CNOT9: variants seen among roughly 807,000 people sequenced by gnomAD.
The protein encoded by CNOT9 is RCD1 required for cell differentiation1 homolog.
CNOT9 carries 8 observed loss-of-function variants against 37.4 expected under a neutral mutation model. The ratio of observed to expected loss-of-function variants is 0.21; its 90% CI spans 0.13 to 0.39. The LOEUF is 0.39. CNOT9 is among the 10% of genes least tolerant of loss of function. The pLI is 1.00. For synonymous variants in CNOT9, 120 were observed against 137.6 expected (o/e 0.87, Z 0.90); for missense variants, 154 against 365.3 (o/e 0.42, Z 4.71).
chr2:218,576,290 T>G (rs1694165751), intron 1 of CNOT9, among the ~76,000 whole-genome samples: 1 of 152,242 alleles, frequency 6.6e-6, no homozygotes, highest in African/African-American at 2.4e-5. Flanking sequence ...GTTATATAAA[T>G]TAATATATAA....
In CNOT9 at chr2:218,587,011, AG is replaced by A. The variant is rs1385057147; in HGVS notation, c.431-573del. On this transcript the variant is annotated intron_variant, in intron 4 of 7. Transcript: ENST00000273064. ...ACCTACTGGAAAAATATAGTAGTCAAGGCAGTGTAATACTGGAGAAAAGAAA... is the reference window on the plus strand; with the variant it reads ...ACCTACTGGAAAAATATAGTAGTCAAGCAGTGTAATACTGGAGAAAAGAAA... 6.6e-5 allele frequency among the ~76,000 whole-genome samples: 10 copies of A among 152,366 alleles called. No individual in the cohort carries two copies. The East Asian group carries it at 1.7e-3, about 26-fold the overall frequency.
At chr2:218,593,679 C>A in intron 7 of CNOT9, 1 of 1,285,696 alleles carries the variant, frequency 7.8e-7, no homozygotes, top group South Asian at 2.4e-5. Context: ...TCTGTAAAGA[C>A]ACAAATTGAT....
At chr2:218,574,829 G>A (rs1365513353) in intron 1 of CNOT9, among the ~76,000 whole-genome samples, 3 of 152,076 alleles carry the variant, frequency 2.0e-5, no homozygotes, top group Non-Finnish European at 4.4e-5. Flanking sequence ...AACTTTTTGG[G>A]GTGAATGGAT....
rs1694862971 is a variant in CNOT9 at position 218,594,156 on chromosome 2, A to G, written c.780A>G (p.Thr260=). Residue 260 remains threonine, a synonymous_variant, in exon 8 of 8, where the codon ACA becomes ACG. Coordinates refer to ENST00000273064, the MANE Select transcript of CNOT9 (RefSeq NM_005444.3). Reference sequence around the variant, plus strand: ...GCCTCCCTGACCAGCTGAAAGACACAACCTTCGCCCAGGTGCTAAAAGATG... The same window carrying G: ...GCCTCCCTGACCAGCTGAAAGACACGACCTTCGCCCAGGTGCTAAAAGATG... The part of the protein sequence containing the change: ...RQCLPDQLKD[T]TFAQVLKDDT... 2 of 1,614,132 alleles carry G rather than the reference A, an allele frequency of 1.2e-6. No individual in the cohort carries two copies. The highest frequency in any genetic ancestry group is 2.2e-5 in the East Asian group (1 of 44,902).
intron 1 of CNOT9, among the ~76,000 whole-genome samples, 187 bp downstream of exon 1, chr2:218,569,165 C>G (rs689116): frequency 6.6e-6 from 1 of 152,036 alleles, no homozygotes; most frequent in Non-Finnish European, 1.5e-5. Flanking sequence ...CCTTGCCGGA[C>G]GCCTCTCGCG....
chr2:218,581,361 G>A (rs758558447), intron 2 of CNOT9, among the ~76,000 whole-genome samples: 2 of 150,976 alleles, frequency 1.3e-5, no homozygotes, highest in Admixed American at 6.6e-5. Context: ...TAGTAGATAC[G>A]GAGTTTCACC....
chr2:218,584,387 A>G (rs554281200), intron 3 of CNOT9, among the ~76,000 whole-genome samples: 12 of 152,242 alleles, frequency 7.9e-5, no homozygotes, highest in African/African-American at 2.6e-4. Context: ...CTGAGTTGTG[A>G]CAATCAAAGA....
At chr2:218,575,387 CTTTT>C (rs71064461) in intron 1 of CNOT9, among the ~76,000 whole-genome samples, 1 of 127,228 alleles carries the variant, frequency 7.9e-6, no homozygotes. Context: ...TTTCTTTTTT[CTTTT>C]TTTTTTTTTT....
intron 1 of CNOT9, among the ~76,000 whole-genome samples, chr2:218,574,615 G>A (rs982324262): frequency 2.0e-5 from 3 of 152,212 alleles, no homozygotes; most frequent in African/African-American, 4.8e-5. Flanking sequence ...GTGACCTTGA[G>A]CACATTAAAC....
intron 1 of CNOT9, among the ~76,000 whole-genome samples, chr2:218,577,708 C>T (rs1189956928): frequency 6.6e-6 from 1 of 152,146 alleles, no homozygotes; most frequent in Non-Finnish European, 1.5e-5. Context: ...GTTACCAGGG[C>T]AAGATGGGGT....
chr2:218,591,468 G>C (rs983979964), intron 5 of CNOT9, among the ~76,000 whole-genome samples: 1 of 152,166 alleles, frequency 6.6e-6, no homozygotes, highest in Non-Finnish European at 1.5e-5. Flanking sequence ...TCTCAGCCGA[G>C]TGCAGTGGCT....
chr2:218,592,463 T>C lies in CNOT9; in HGVS notation c.639+61T>C, dbSNP rs1694811856. 1.3e-6 allele frequency: 2 copies of C among 1,511,454 alleles called. No individual in the cohort carries two copies. The highest frequency in any genetic ancestry group is 1.8e-6 in the Non-Finnish European group (2 of 1,086,638). 93.6% of individuals were successfully genotyped at this position (1,511,454 alleles called of 1,614,324 possible). ...CTCATCACAAAGCTTAATCTCTTTATAACTGGCATTGAACAACTTCAGTCC... is the reference window on the plus strand; with the variant it reads ...CTCATCACAAAGCTTAATCTCTTTACAACTGGCATTGAACAACTTCAGTCC... On this transcript the variant is annotated intron_variant, in intron 6 of 7. Coordinates refer to ENST00000273064, the MANE Select transcript of CNOT9 (RefSeq NM_005444.3). The surrounding 1 kb of genome is among the most constrained non-coding windows in gnomAD (Gnocchi z 4.1).
chr2:218,590,182 C>T (rs1330156500), intron 5 of CNOT9, among the ~76,000 whole-genome samples: 2 of 152,092 alleles, frequency 1.3e-5, no homozygotes, highest in Admixed American at 1.3e-4. Context: ...ATTCTCATGC[C>T]TCAGCCTCCT....
At chr2:218,589,691 G>A (rs1373050114) in intron 5 of CNOT9, among the ~76,000 whole-genome samples, 1 of 152,282 alleles carries the variant, frequency 6.6e-6, no homozygotes, top group East Asian at 1.9e-4. Flanking sequence ...GAATGCAGTG[G>A]CTATTCACAG....
At chr2:218,577,589 A>G (rs901079655) in intron 1 of CNOT9, among the ~76,000 whole-genome samples, 8 of 152,332 alleles carry the variant, frequency 5.3e-5, no homozygotes, top group East Asian at 1.9e-4. Context: ...CAGAGTGCCT[A>G]CACCACTGCC....
intron 1 of CNOT9, among the ~76,000 whole-genome samples, chr2:218,569,275 A>G (rs1383141214): frequency 6.6e-6 from 1 of 152,166 alleles, no homozygotes; most frequent in African/African-American, 2.4e-5. Flanking sequence ...CAACAGTTTC[A>G]GGGCGCCAGT....
chr2:218,592,450 C>A lies in CNOT9; in HGVS notation c.639+48C>A, dbSNP rs1198628873. 6.5e-7 allele frequency: 1 copy of A among 1,534,562 alleles called. No individual in the cohort carries two copies. The highest frequency in any genetic ancestry group is 9.0e-7 in the Non-Finnish European group (1 of 1,107,676). On this transcript the variant is annotated intron_variant, in intron 6 of 7. Coordinates refer to ENST00000273064, the MANE Select transcript of CNOT9 (RefSeq NM_005444.3). This position sits in a 1 kb window ranked among gnomAD's most constrained non-coding sequence, Gnocchi z 4.1. ...TTTACAACTACTTCTCATCACAAAG[C>A]TTAATCTCTTTATAACTGGCATTGA...
chr2:218,578,100 C>T (rs1694233511), intron 1 of CNOT9, among the ~76,000 whole-genome samples: 1 of 152,214 alleles, frequency 6.6e-6, no homozygotes, highest in African/African-American at 2.4e-5. Flanking sequence ...ACTGCTTTTG[C>T]TGTTGGGAAA....
Position 218,592,280 on chromosome 2 carries a change from C to G in CNOT9, c.541-24C>G. ...GATTAAATCTGAGCAACTTTATAAA[C>G]TCTTCGATTTTGTTTTGCTTCAGGT... On this transcript the variant is annotated intron_variant, in intron 5 of 7. Transcript: ENST00000273064. This position sits in a 1 kb window ranked among gnomAD's most constrained non-coding sequence, Gnocchi z 4.1. The G allele has an allele frequency of 6.5e-7, 1 of 1,548,822 alleles. No homozygotes were observed. Among genetic ancestry groups the G allele is most frequent in the Non-Finnish European group, 8.9e-7 (1 of 1,123,282 alleles).
Sources: allele counts gnomAD v4.1 joint callset (sites outside exome capture counted in the v4.1 genomes callset), GRCh38; gene constraint gnomAD v4.1.1; non-coding constraint Gnocchi (gnomAD v3.1); transcripts MANE v1.5; gene names NCBI Gene and HGNC (gene_info 2026-07-23, HGNC 2026-07-21).